The following NAV2 variants were observed in gnomAD, a reference collection of about 807,000 sequenced individuals.
NAV2 encodes the protein helicase, APC down-regulated 1.
Under a neutral mutation model 223.2 loss-of-function variants are expected in NAV2, and 54 were observed. That is an observed-to-expected ratio of 0.24 (90% CI 0.19 to 0.30). The LOEUF is 0.30. Ranked by LOEUF, NAV2 falls within the 10% of genes least tolerant of loss-of-function variation. The pLI is 1.00. For synonymous variants in NAV2, 1,279 were observed against 1,239.3 expected, an observed-to-expected ratio of 1.03 and a Z score of -0.67; for missense variants, 2,806 against 3,147.5, an observed-to-expected ratio of 0.89 and a Z score of 2.60.
chr11:19,832,951 G>A (rs2060026889), intron 2 of NAV2, among the ~76,000 whole-genome samples: 1 of 152,026 alleles, frequency 6.6e-6, no homozygotes, highest in African/African-American at 2.4e-5. Context: ...TACTTTTGTG[G>A]ATTACTCTGG....
rs2153734766 is a variant in NAV2 at position 20,120,297 on chromosome 11, C to T, written c.*2039C>T. ...TTCAACACTATCCCTGCTTTAGTCT[C>T]AGCAAACTCAGACTATTCTGCTTAG... On this transcript the variant is annotated 3_prime_UTR_variant, in exon 38 of 38. Transcript: ENST00000349880. The T allele has an allele frequency of 6.6e-6, 1 of 152,366 alleles. No individual in the cohort carries two copies. The highest frequency in any genetic ancestry group is 1.9e-4 in the East Asian group (1 of 5,188). 9.4% of individuals were successfully genotyped at this position (152,366 alleles called of 1,614,324 possible).
intron 1 of NAV2, among the ~76,000 whole-genome samples, chr11:19,738,071 G>A (rs1344861083): frequency 1.3e-5 from 2 of 152,248 alleles, no homozygotes; most frequent in African/African-American, 2.4e-5. Flanking sequence ...AATTTTGAGT[G>A]CTTTGAACAG....
intron 1 of NAV2, among the ~76,000 whole-genome samples, chr11:19,618,186 G>C (rs867248334): frequency 2.8e-4 from 43 of 152,256 alleles, no homozygotes; most frequent in African/African-American, 9.9e-4. Flanking sequence ...AAACATAGTA[G>C]GTCCTTCAAT....
At chr11:19,762,311 A>G (rs1055404994) in intron 1 of NAV2, among the ~76,000 whole-genome samples, 5 of 152,184 alleles carry the variant, frequency 3.3e-5, no homozygotes, top group African/African-American at 1.2e-4. Context: ...CATGCCGAAT[A>G]CTTCTTCATG....
intron 1 of NAV2, among the ~76,000 whole-genome samples, chr11:19,382,404 G>T (rs529543885): frequency 6.6e-6 from 1 of 152,162 alleles, no homozygotes; most frequent in Non-Finnish European, 1.5e-5. Flanking sequence ...CAATTGTGCC[G>T]ACTGGCAAAC....
intron 1 of NAV2, among the ~76,000 whole-genome samples, chr11:19,521,180 T>C (rs995642229): frequency 2.6e-5 from 4 of 152,102 alleles, no homozygotes; most frequent in Admixed American, 1.3e-4. Flanking sequence ...CTTGGGTCAT[T>C]CATAGTGGGT....
intron 1 of NAV2, among the ~76,000 whole-genome samples, chr11:19,821,132 G>A (rs1317024392): frequency 1.3e-5 from 2 of 152,024 alleles, no homozygotes; most frequent in African/African-American, 4.8e-5. Context: ...CGTGGTGGCA[G>A]GCACCTGTAG....
At chr11:19,490,330 T>A (rs139240979) in intron 1 of NAV2, among the ~76,000 whole-genome samples, 4 of 152,220 alleles carry the variant, frequency 2.6e-5, no homozygotes, top group African/African-American at 9.6e-5. Flanking sequence ...TAGCATGTGA[T>A]GCTATTTGAT....
At chr11:19,485,988 C>CTTGGCA (rs1399261258) in intron 1 of NAV2, among the ~76,000 whole-genome samples, 1 of 152,110 alleles carries the variant, frequency 6.6e-6, no homozygotes, top group Non-Finnish European at 1.5e-5. Flanking sequence ...CACCATGCAC[C>CTTGGCA]CTCCACCTGA....
intron 27 of NAV2, among the ~76,000 whole-genome samples, chr11:20,091,753 C>G (rs1002216741): frequency 1.3e-5 from 2 of 152,170 alleles, no homozygotes; most frequent in African/African-American, 4.8e-5. Flanking sequence ...CTGAAACACT[C>G]TTTCCATGAG....
chr11:19,493,831 G>A (rs1772411092), intron 1 of NAV2, among the ~76,000 whole-genome samples: 3 of 152,234 alleles, frequency 2.0e-5, no homozygotes, highest in Admixed American at 6.5e-5. Context: ...AGAGAGTGGA[G>A]TTCAATTCTC....
chr11:19,670,317 AT>A (rs563768525), intron 1 of NAV2, among the ~76,000 whole-genome samples: 9 of 152,074 alleles, frequency 5.9e-5, no homozygotes, highest in Non-Finnish European at 1.3e-4. Context: ...TCCCCGGGCC[AT>A]CACAGCCTTG....
At chr11:19,533,452 T>A (rs1247452832) in intron 1 of NAV2, among the ~76,000 whole-genome samples, 1 of 152,078 alleles carries the variant, frequency 6.6e-6, no homozygotes, top group Non-Finnish European at 1.5e-5. Context: ...TCTCTCTCCC[T>A]CCTACAAAGG....
At chr11:19,678,407 C>T (rs2135863265) in intron 1 of NAV2, among the ~76,000 whole-genome samples, 1 of 152,316 alleles carries the variant, frequency 6.6e-6, no homozygotes, top group Non-Finnish European at 1.5e-5. Flanking sequence ...CCATGCCTGT[C>T]ATCTCGCTGC....
intron 1 of NAV2, among the ~76,000 whole-genome samples, chr11:19,441,782 A>G (rs1358525245): frequency 6.6e-6 from 1 of 152,180 alleles, no homozygotes; most frequent in Non-Finnish European, 1.5e-5. Flanking sequence ...GCAGGGAGCC[A>G]GGGGCTGGGG....
At chr11:20,008,979 T>C (rs2053332053) in intron 11 of NAV2, among the ~76,000 whole-genome samples, 1 of 152,206 alleles carries the variant, frequency 6.6e-6, no homozygotes, top group Admixed American at 6.5e-5. Flanking sequence ...GTTTCCTTCT[T>C]ATTAGTCCCA....
chr11:20,077,431 G>C (rs900976032), intron 22 of NAV2, 121 bp from the exon 23 acceptor site: 16 of 675,906 alleles, frequency 2.4e-5, no homozygotes, highest in Middle Eastern at 2.8e-4. Flanking sequence ...GATTCAAGAG[G>C]AGGCTGAAAA....
intron 1 of NAV2, among the ~76,000 whole-genome samples, chr11:19,488,888 T>C (rs2042533541): frequency 1.3e-5 from 2 of 152,148 alleles, no homozygotes; most frequent in South Asian, 4.1e-4. Flanking sequence ...TACTGACAGG[T>C]CTTCCAGTCT....
In NAV2 at chr11:19,884,180, G is replaced by T. The variant is rs565987607; in HGVS notation, c.770+4053G>T. On this transcript the variant is annotated intron_variant, in intron 5 of 37. Transcript: ENST00000349880. ...TGTGTCATAGAAAACAGTGGGCAGG[G>T]GGGGAAAGAAACAGCAACATCCCCA... 19 of 710,674 alleles carry T rather than the reference G, an allele frequency of 2.7e-5. No homozygotes were observed. In the African/African-American group the frequency reaches 2.8e-4, roughly 11 times the overall value. The allele number at this position is 710,674 out of a possible 1,614,324, so 44.0% of individuals were successfully genotyped here. A position where few individuals can be genotyped will look rare whatever the true frequency, so the allele number is the denominator to read the frequency against.
Sources: allele counts gnomAD v4.1 joint callset (sites outside exome capture counted in the v4.1 genomes callset), GRCh38; gene constraint gnomAD v4.1.1; transcripts MANE v1.5; gene names NCBI Gene and HGNC (gene_info 2026-07-23, HGNC 2026-07-21).